PLSCR2: variants seen among roughly 807,000 people sequenced by gnomAD.
The protein encoded by PLSCR2 is phospholipid scramblase 2, also known as PL scramblase 2.
In PLSCR2, 18 loss-of-function variants were observed where a neutral mutation model predicts 25.3. The ratio of observed to expected loss-of-function variants is 0.71; its 90% CI spans 0.49 to 1.06. PLSCR2 has a LOEUF of 1.06. PLSCR2 is among the 50% of genes least tolerant of loss of function. PLSCR2 has a pLI of 0.00. For synonymous variants in PLSCR2, 88 were observed against 87.3 expected (o/e 1.01, Z -0.04); for missense variants, 243 against 269.5 (o/e 0.90, Z 0.69).
At chr3:146,454,689 T>C (rs971555034) in intron 4 of PLSCR2, among the ~76,000 whole-genome samples, 3 of 152,210 alleles carry the variant, frequency 2.0e-5, no homozygotes, top group Non-Finnish European at 4.4e-5. Context: ...CAGAGACATC[T>C]GGTCTCTACA....
chr3:146,470,449 G>A (rs1310291470), intron 1 of PLSCR2, among the ~76,000 whole-genome samples: 1 of 152,068 alleles, frequency 6.6e-6, no homozygotes, highest in Non-Finnish European at 1.5e-5. Context: ...GGAGGCTGAG[G>A]CAGGAGAAAA....
intron 1 of PLSCR2, among the ~76,000 whole-genome samples, chr3:146,477,476 T>A (rs1020007013): frequency 1.1e-4 from 16 of 152,224 alleles, no homozygotes; most frequent in African/African-American, 3.9e-4. Context: ...GGAGCCTTGC[T>A]CACTGCTAGT....
At chr3:146,406,217 T>G (rs116347273) in intron 2 of PLSCR2, among the ~76,000 whole-genome samples, 20 of 152,336 alleles carry the variant, frequency 1.3e-4, no homozygotes, top group African/African-American at 4.8e-4. Context: ...ACCTGTCTAA[T>G]CAGGGCAGAA....
chr3:146,401,417 A>G (rs1364722442), intron 2 of PLSCR2: 1 of 152,546 alleles, frequency 6.6e-6, no homozygotes, highest in African/African-American at 2.4e-5. Context: ...TACCTACATT[A>G]TCATAAATTG....
intron 3 of PLSCR2, among the ~76,000 whole-genome samples, chr3:146,394,430 C>A (rs763942542): frequency 1.3e-5 from 2 of 151,836 alleles, no homozygotes; most frequent in African/African-American, 4.8e-5. Context: ...ACCTGCTCGG[C>A]TGATTTTGTA....
intron 2 of PLSCR2, among the ~76,000 whole-genome samples, chr3:146,423,289 C>T (rs2039225200): frequency 7.0e-6 from 1 of 143,280 alleles, no homozygotes; most frequent in Non-Finnish European, 1.5e-5. Context: ...CTCTCCCTGG[C>T]TAGATTCTCA....
intron 1 of PLSCR2, among the ~76,000 whole-genome samples, chr3:146,472,369 A>AT (rs1284659232): frequency 6.6e-6 from 1 of 152,224 alleles, no homozygotes; most frequent in East Asian, 1.9e-4. Flanking sequence ...ATCTATTTAC[A>AT]TTTAGACTTC....
chr3:146,396,484 T>G (rs1576551439), intron 2 of PLSCR2, among the ~76,000 whole-genome samples: 1 of 152,210 alleles, frequency 6.6e-6, no homozygotes, highest in East Asian at 1.9e-4. Flanking sequence ...AAGGGTAGGG[T>G]GCTATCATGT....
chr3:146,449,076 G>T, intron 6 of PLSCR2, 130 bp downstream of exon 6: 2 of 700,922 alleles, frequency 2.9e-6, no homozygotes, highest in South Asian at 2.0e-5. Flanking sequence ...TCAGTGCGGG[G>T]ATTAAATGAG....
At chr3:146,402,133 A>AT (rs2038494055) in intron 2 of PLSCR2, among the ~76,000 whole-genome samples, 1 of 152,062 alleles carries the variant, frequency 6.6e-6, no homozygotes, top group Non-Finnish European at 1.5e-5. Flanking sequence ...CTACTGCACT[A>AT]TTTAGAACAG....
chr3:146,404,831 T>C (rs200577710), intron 2 of PLSCR2, among the ~76,000 whole-genome samples: 1 of 98,120 alleles, frequency 1.0e-5, no homozygotes, highest in Non-Finnish European at 2.1e-5. Context: ...AGGGGGGGGG[T>C]GGTGGTTAAC....
chr3:146,486,512 C>T lies in PLSCR2; in HGVS notation c.-293+9383G>A, dbSNP rs563324436. The stretch of plus-strand genomic sequence containing the variant: ...TATCACCAATGACTCCACAGAAATA[C>T]AACAAACCATCAGAGAATATTATAA... On this transcript the variant is annotated intron_variant, in intron 1 of 8. Coordinates refer to the PLSCR2 transcript ENST00000336685. Among the ~76,000 whole-genome samples the T allele has an allele frequency of 1.9e-3, 294 of 151,704 alleles. 1 individual carries two copies. Among genetic ancestry groups the T allele is most frequent in the African/African-American group, 7.0e-3 (288 of 41,388 alleles).
chr3:146,488,757 G>C (rs1263831327), intron 1 of PLSCR2, among the ~76,000 whole-genome samples: 1 of 152,032 alleles, frequency 6.6e-6, no homozygotes, highest in African/African-American at 2.4e-5. Context: ...AAGACAGTGT[G>C]GTGACTCCTC....
chr3:146,425,575 T>C (rs1417351655), intron 2 of PLSCR2, among the ~76,000 whole-genome samples: 1 of 152,096 alleles, frequency 6.6e-6, no homozygotes, highest in Non-Finnish European at 1.5e-5. Context: ...GGAAGTAGCT[T>C]TGGAATTTGG....
At position 146,455,348 on chromosome 3, in the gene PLSCR2, C is replaced by T. The variant is rs78356755; in HGVS notation, c.212G>A (p.Arg71Gln). The change falls in exon 4 of 7, where the codon CGG becomes CAG. Residue 71 changes from arginine to glutamine, a missense_variant. By Grantham distance (43) the Arg-to-Gln change is conservative (BLOSUM62 1). Transcript: ENST00000610787. ...AATCCTCAAGGTAAAAGGTCTAGAC[C>T]GCCCACAGCAATTTCGGATACAGAA... The T allele has an allele frequency of 6.0e-4, 965 of 1,613,180 alleles. 9 individuals carry two copies. In the African/African-American group the frequency reaches 0.011, roughly 18 times the overall value.
intron 5 of PLSCR2, among the ~76,000 whole-genome samples, chr3:146,452,653 A>T (rs2040969474): frequency 6.6e-6 from 1 of 152,154 alleles, no homozygotes; most frequent in South Asian, 2.1e-4. Context: ...TAGAGAATTG[A>T]AGAGCTACTG....
At chr3:146,422,546 G>T (rs149307490) in intron 2 of PLSCR2, among the ~76,000 whole-genome samples, 1 of 151,766 alleles carries the variant, frequency 6.6e-6, no homozygotes, top group Non-Finnish European at 1.5e-5. Context: ...TCCAGTTTCC[G>T]GGTTTCCCAT....
downstream of PLSCR2, among the ~76,000 whole-genome samples, chr3:146,439,001 C>T (rs534274449): frequency 2.0e-5 from 3 of 152,282 alleles, no homozygotes; most frequent in East Asian, 1.9e-4. Context: ...ATTTTCTTGT[C>T]TGTAAAGTAT....
chr3:146,459,214 CA>C (rs2041407401), intron 2 of PLSCR2, among the ~76,000 whole-genome samples: 1 of 151,978 alleles, frequency 6.6e-6, no homozygotes, highest in African/African-American at 2.4e-5. Context: ...AGGAAAAAAG[CA>C]TCATAAAAAT....
Sources: allele counts gnomAD v4.1 joint callset (sites outside exome capture counted in the v4.1 genomes callset), GRCh38; gene constraint gnomAD v4.1.1; transcripts MANE v1.5; gene names NCBI Gene and HGNC (gene_info 2026-07-23, HGNC 2026-07-21).